Variants in TRAPPC9 observed in about 807,000 individuals in gnomAD.
The protein encoded by TRAPPC9 is IKK2 binding protein.
TRAPPC9 carries 83 observed loss-of-function variants against 124.0 expected under a neutral mutation model. The observed-to-expected ratio is 0.67, with a 90% CI of 0.56 to 0.80. The LOEUF is 0.80. TRAPPC9 is among the 30% of genes least tolerant of loss of function. The pLI, the probability that TRAPPC9 is intolerant of heterozygous loss-of-function variation, is 0.00. For synonymous variants in TRAPPC9, 638 were observed against 617.5 expected (o/e 1.03, Z -0.49); for missense variants, 1,302 against 1,508.3 (o/e 0.86, Z 2.27).
chr8:140,311,993 A>G (rs2066311145), intron 9 of TRAPPC9, among the ~76,000 whole-genome samples: 1 of 152,146 alleles, frequency 6.6e-6, no homozygotes. Context: ...CTTCTCACCC[A>G]CAGCATGACA....
chr8:140,197,713 C>T (rs2062701646), intron 17 of TRAPPC9, among the ~76,000 whole-genome samples: 1 of 151,998 alleles, frequency 6.6e-6, no homozygotes, highest in African/African-American at 2.4e-5. Context: ...TTAAAACAGC[C>T]ATATCTCTTC....
intron 8 of TRAPPC9, among the ~76,000 whole-genome samples, chr8:140,365,275 C>G (rs967755280): frequency 1.3e-5 from 2 of 152,120 alleles, no homozygotes; most frequent in African/African-American, 4.8e-5. Flanking sequence ...AGGGACACGG[C>G]CAGCATCCCA....
chr8:139,804,418 C>G (rs1823849219), intron 21 of TRAPPC9, among the ~76,000 whole-genome samples: 1 of 138,384 alleles, frequency 7.2e-6, no homozygotes, highest in Non-Finnish European at 1.6e-5. Context: ...CACCACCACC[C>G]ACCACCGCCA....
chr8:139,811,881 G>A (rs1824467509), intron 21 of TRAPPC9, among the ~76,000 whole-genome samples: 1 of 152,180 alleles, frequency 6.6e-6, no homozygotes, highest in African/African-American at 2.4e-5. Context: ...AAGCACTAGA[G>A]GATGAGCTCC....
At chr8:140,286,849 G>A (rs1042426203) in intron 13 of TRAPPC9, among the ~76,000 whole-genome samples, 1 of 152,150 alleles carries the variant, frequency 6.6e-6, no homozygotes, top group African/African-American at 2.4e-5. Flanking sequence ...GCATCGGTGG[G>A]ATCACCTAAG....
At chr8:139,885,658 C>T (rs770309293) in intron 21 of TRAPPC9, among the ~76,000 whole-genome samples, 5 of 152,254 alleles carry the variant, frequency 3.3e-5, no homozygotes, top group Admixed American at 6.5e-5. Context: ...GCACTGTCAC[C>T]GGAGTGCTGA....
chr8:139,872,480 G>A (rs1202171676), intron 21 of TRAPPC9, among the ~76,000 whole-genome samples: 7 of 136,230 alleles, frequency 5.1e-5, no homozygotes, highest in African/African-American at 1.3e-4. Flanking sequence ...GGACGGATGG[G>A]TGGGCTGGTG....
intron 18 of TRAPPC9, among the ~76,000 whole-genome samples, chr8:140,007,615 A>G (rs1838846703): frequency 6.6e-6 from 1 of 152,238 alleles, no homozygotes; most frequent in Non-Finnish European, 1.5e-5. Flanking sequence ...AACTCTGACT[A>G]ATTGATGATG....
At chr8:140,173,131 C>G (rs899089308) in intron 17 of TRAPPC9, among the ~76,000 whole-genome samples, 1 of 152,178 alleles carries the variant, frequency 6.6e-6, no homozygotes, top group African/African-American at 2.4e-5. Context: ...CTGACGTATG[C>G]ACAACCCATT....
At chr8:139,945,827 C>T (rs1444552702) in intron 19 of TRAPPC9, among the ~76,000 whole-genome samples, 2 of 152,174 alleles carry the variant, frequency 1.3e-5, no homozygotes, top group African/African-American at 4.8e-5. Flanking sequence ...GGGAAATATA[C>T]TGAGGTTTGC....
intron 21 of TRAPPC9, among the ~76,000 whole-genome samples, chr8:139,750,018 C>T (rs940138320): frequency 6.6e-6 from 1 of 152,044 alleles, no homozygotes; most frequent in African/African-American, 2.4e-5. Context: ...GACTGTGGCC[C>T]ACACAATCCA....
intron 9 of TRAPPC9, 133 bp from the exon 10 acceptor site, chr8:140,311,507 A>C: frequency 1.9e-6 from 2 of 1,036,122 alleles, no homozygotes; most frequent in South Asian, 2.7e-5. Context: ...GGCAGTGAGC[A>C]AAAGAGACCA....
intron 20 of TRAPPC9, among the ~76,000 whole-genome samples, chr8:139,901,577 T>G (rs1362145211): frequency 6.6e-6 from 1 of 152,136 alleles, no homozygotes; most frequent in Non-Finnish European, 1.5e-5. Flanking sequence ...GTGAGAATAT[T>G]CCAGAGTCCC....
intron 13 of TRAPPC9, among the ~76,000 whole-genome samples, chr8:140,286,232 G>C (rs974850523): frequency 3.9e-5 from 6 of 152,186 alleles, no homozygotes; most frequent in Non-Finnish European, 8.8e-5. Flanking sequence ...AGTCTTCGGA[G>C]ACTGAAGTAG....
chr8:139,799,948 C>T (rs539826215), intron 21 of TRAPPC9, among the ~76,000 whole-genome samples: 2 of 152,342 alleles, frequency 1.3e-5, no homozygotes, highest in East Asian at 1.9e-4. Context: ...GGAAGTGATG[C>T]GGGGCCCAGA....
In TRAPPC9 at chr8:140,451,176, G is replaced by C; in HGVS notation, c.198C>G (p.Asn66Lys). The part of the protein sequence containing the change: ...RYRHHYPPEN[N>K]EWGDFQTHRK... Reference sequence around the variant, plus strand: ...GGTGGGTCTGGAAGTCACCCCACTCGTTGTTCTCGGGTGGGTAGTGGTGCC... The same window carrying C: ...GGTGGGTCTGGAAGTCACCCCACTCCTTGTTCTCGGGTGGGTAGTGGTGCC... Residue 66 changes from asparagine (N) to lysine (K), a missense_variant, in exon 2 of 23, where the codon AAC (asparagine) becomes AAG (lysine). Physicochemically the swap from Asn to Lys is moderately conservative, Grantham distance 94. This residue lies in a region of TRAPPC9 where 657 missense variants were observed against 811.2 expected (regional missense o/e 0.81). Coordinates refer to ENST00000438773, the MANE Select transcript of TRAPPC9 (RefSeq NM_001160372.4). 1 of 1,614,098 alleles carries C rather than the reference G, an allele frequency of 6.2e-7. No individual in the cohort carries two copies. Among genetic ancestry groups the C allele is most frequent in the Non-Finnish European group, 8.5e-7 (1 of 1,179,992 alleles).
In TRAPPC9 at chr8:139,939,090, C is replaced by T. The variant is rs531645686; in HGVS notation, c.2811-28790G>A. 1.2e-4 allele frequency among the ~76,000 whole-genome samples: 19 copies of T among 152,360 alleles called. No homozygotes were observed. In the South Asian group the frequency reaches 3.7e-3, roughly 30 times the overall value. ...TCTCCAGGCGACAGGCACCAGGACACAAGGGCCATTCAAACATGACTTGTA... is the reference window on the plus strand; with the variant it reads ...TCTCCAGGCGACAGGCACCAGGACATAAGGGCCATTCAAACATGACTTGTA... On this transcript the variant is annotated intron_variant, in intron 19 of 22. Transcript: ENST00000438773.
In TRAPPC9 at chr8:140,141,202, G is replaced by A. The variant is rs78003734; in HGVS notation, c.2556+80257C>T. On this transcript the variant is annotated intron_variant, in intron 17 of 22. Coordinates refer to ENST00000438773, the MANE Select transcript of TRAPPC9 (RefSeq NM_001160372.4). Reference sequence around the variant, plus strand: ...TCACTTCCCATGGTTTCAGCTGCCCGTGGTCAACCGTGGTTCAAAAATATT... The same window carrying A: ...TCACTTCCCATGGTTTCAGCTGCCCATGGTCAACCGTGGTTCAAAAATATT... 1.1e-3 allele frequency among the ~76,000 whole-genome samples: 167 copies of A among 152,278 alleles called. 3 individuals are homozygous for A. In the East Asian group the frequency reaches 0.024, roughly 22 times the overall value.
chr8:139,852,017 G>C (rs955181998), intron 21 of TRAPPC9, among the ~76,000 whole-genome samples: 2 of 152,154 alleles, frequency 1.3e-5, no homozygotes, highest in Non-Finnish European at 2.9e-5. Context: ...CATGTGCTGT[G>C]GGAGAGTCCC....
Sources: allele counts gnomAD v4.1 joint callset (sites outside exome capture counted in the v4.1 genomes callset), GRCh38; gene constraint gnomAD v4.1.1; regional missense constraint gnomAD v4.1.1; transcripts MANE v1.5; gene names NCBI Gene and HGNC (gene_info 2026-07-23, HGNC 2026-07-21).